FLNB: variants seen among roughly 807,000 people sequenced by gnomAD.
FLNB encodes the protein filamin B.
Under a neutral mutation model 250.6 loss-of-function variants are expected in FLNB, and 111 were observed. The ratio of observed to expected loss-of-function variants is 0.44; its 90% CI spans 0.38 to 0.52. The LOEUF (loss-of-function observed/expected upper bound fraction) is 0.52, where lower values mean the gene tolerates loss of function less well. FLNB is among the 20% of genes least tolerant of loss of function. The pLI, the probability that FLNB is intolerant of heterozygous loss-of-function variation, is 0.00. For synonymous variants in FLNB, 1,302 were observed against 1,372.1 expected (o/e 0.95, Z 1.13); for missense variants, 2,869 against 3,447.8 (o/e 0.83, Z 4.20).
chr3:58,137,443 GAATAC>G (rs1356122615), intron 28 of FLNB, among the ~76,000 whole-genome samples: 1 of 152,234 alleles, frequency 6.6e-6, no homozygotes, highest in Non-Finnish European at 1.5e-5. Context: ...AGCCTGAGCT[GAATAC>G]TTGCCTTTTG....
At chr3:58,149,804 T>A in intron 36 of FLNB, 46 bp from the exon 37 acceptor site, 1 of 1,613,358 alleles carries the variant, frequency 6.2e-7, no homozygotes, top group South Asian at 1.1e-5. Context: ...GGCTCCCTCT[T>A]CCTGAGGAGC....
chr3:58,170,505 C>T (rs1045739220), intron 45 of FLNB, 70 bp from the exon 46 acceptor site: 10 of 1,498,338 alleles, frequency 6.7e-6, no homozygotes, highest in Non-Finnish European at 8.3e-6. Flanking sequence ...ACCTTTGGCT[C>T]TCATATTTCC....
intron 4 of FLNB, among the ~76,000 whole-genome samples, chr3:58,089,735 G>A (rs1241824759): frequency 6.6e-6 from 1 of 152,142 alleles, no homozygotes; most frequent in African/African-American, 2.4e-5. Flanking sequence ...TATTGGATAA[G>A]CGCAATAGCA....
At chr3:58,043,236 G>T (rs1425715477) in intron 1 of FLNB, among the ~76,000 whole-genome samples, 4 of 144,842 alleles carry the variant, frequency 2.8e-5, no homozygotes, top group African/African-American at 1.0e-4. Context: ...CCAGGTTCAA[G>T]CAATTCTTCT....
intron 4 of FLNB, among the ~76,000 whole-genome samples, chr3:58,094,437 AAG>A (rs2097234213): frequency 6.6e-6 from 1 of 152,220 alleles, no homozygotes; most frequent in Admixed American, 6.5e-5. Context: ...TTAAAATAAA[AAG>A]GTTAATTAAA....
intron 6 of FLNB, among the ~76,000 whole-genome samples, chr3:58,096,690 G>T (rs1012494652): frequency 6.6e-6 from 1 of 152,018 alleles, no homozygotes; most frequent in Non-Finnish European, 1.5e-5. Flanking sequence ...TGCATTTTTA[G>T]TAGAGACCAG....
intron 38 of FLNB, among the ~76,000 whole-genome samples, chr3:58,151,598 T>A (rs1327270193): frequency 6.6e-6 from 1 of 152,204 alleles, no homozygotes; most frequent in Non-Finnish European, 1.5e-5. Flanking sequence ...CCACTGTTTT[T>A]GTGGGCATCT....
intron 1 of FLNB, among the ~76,000 whole-genome samples, chr3:58,027,572 G>C (rs750861149): frequency 5.9e-5 from 9 of 152,050 alleles, no homozygotes; most frequent in African/African-American, 1.9e-4. Flanking sequence ...ATGAGCCACC[G>C]CGCCTGGCCC....
intron 4 of FLNB, among the ~76,000 whole-genome samples, chr3:58,093,554 A>T (rs1344619375): frequency 6.6e-5 from 10 of 152,128 alleles, no homozygotes; most frequent in African/African-American, 2.4e-4. Flanking sequence ...GTCACCAAGG[A>T]CATTCCAAGG....
intron 43 of FLNB, among the ~76,000 whole-genome samples, chr3:58,167,603 A>T (rs543507158): frequency 4.6e-5 from 7 of 152,296 alleles, no homozygotes; most frequent in African/African-American, 7.2e-5. Flanking sequence ...TGGGCCAGCT[A>T]AGTTGTCTCA....
In FLNB at chr3:58,136,192, CA is replaced by C. The variant is rs751770336; in HGVS notation, c.4861+25del. The C allele has an allele frequency of 8.7e-6, 14 of 1,612,362 alleles. 2 individuals are homozygous for C. In the South Asian group the frequency reaches 1.3e-4, roughly 15 times the overall value. ...GGGTGAGTACAGGGCATCTCAAGGT[CA>C]GGGGCACAGGCTTTGCAATCAGAAA... On this transcript the variant is annotated intron_variant, in intron 28 of 45. Coordinates refer to ENST00000295956, the MANE Select transcript of FLNB (RefSeq NM_001457.4).
rs867388425 is a variant in FLNB, at chr3:58,109,251, C to T, written c.2128C>T (p.Pro710Ser). Reference sequence around the variant, plus strand: ...CGGCACATATGCATGCTCATACACCCCGGTGAAGGCCATCAAGCACACCAT... The same window carrying T: ...CGGCACATATGCATGCTCATACACCTCGGTGAAGGCCATCAAGCACACCAT... ...MDGTYACSYT[P>S]VKAIKHTIAV... Residue 710 changes from proline (P) to serine (S), a missense_variant, in exon 14 of 46, where the codon CCG (proline) becomes TCG (serine). By Grantham distance (74) the Pro-to-Ser change is moderately conservative. Around this residue, in one of 5 missense-constraint regions of FLNB, gnomAD observed 1,348 missense variants for 1,466.7 expected, o/e 0.92. Transcript: ENST00000295956. 1.2e-6 allele frequency: 2 copies of T among 1,614,118 alleles called. No individual in the cohort carries two copies. The highest frequency in any genetic ancestry group is 1.7e-6 in the Non-Finnish European group (2 of 1,180,052).
intron 18 of FLNB, among the ~76,000 whole-genome samples, chr3:58,117,530 A>C (rs983202250): frequency 1.3e-5 from 2 of 152,120 alleles, no homozygotes; most frequent in Admixed American, 6.5e-5. Context: ...CTGAATTGTT[A>C]GGGGCTGTGG....
intron 7 of FLNB, among the ~76,000 whole-genome samples, chr3:58,098,401 G>A (rs1021070701): frequency 2.0e-5 from 3 of 152,166 alleles, no homozygotes; most frequent in Non-Finnish European, 2.9e-5. Flanking sequence ...CGTGATCTTG[G>A]CTCAACGCAA....
Position 58,170,936 on chromosome 3 carries a change from TATTGGAG to T in FLNB, c.*176_*182del. 1 of 629,564 alleles carries T rather than the reference TATTGGAG, an allele frequency of 1.6e-6. No individual in the cohort carries two copies. The highest frequency in any genetic ancestry group is 2.8e-6 in the Non-Finnish European group (1 of 360,138). 39.0% of individuals were successfully genotyped at this position (629,564 alleles called of 1,614,324 possible). On this transcript the variant is annotated 3_prime_UTR_variant, in exon 46 of 46. Coordinates refer to ENST00000295956, the MANE Select transcript of FLNB (RefSeq NM_001457.4). ...TCCTAGACTGGACTCTTGAGGGACA[TATTGGAG>T]AATCTTAAGAAATGCAAGCTTGTTC...
chr3:58,153,603 G>C lies in FLNB; in HGVS notation c.6596G>C (p.Gly2199Ala). The change falls in exon 39 of 46, where the codon GGA (glycine) becomes GCA (alanine). Residue 2199 changes from glycine (G) to alanine (A), a missense_variant. Around this residue, in one of 5 missense-constraint regions of FLNB, gnomAD observed 1,084 missense variants for 1,315.5 expected, o/e 0.82. Coordinates refer to ENST00000295956, the MANE Select transcript of FLNB (RefSeq NM_001457.4). ...GGAGGCGCCCACAAGGTGCGGGCAG[G>C]AGGCCCTGGCCTGGAGAGAGGAGAA... Reference protein sequence around the residue: ...GEGGAHKVRAGGPGLERGEAG... With the variant: ...GEGGAHKVRAAGPGLERGEAG... 1 of 1,614,148 alleles carries C rather than the reference G, an allele frequency of 6.2e-7. No homozygotes were observed. Among genetic ancestry groups the C allele is most frequent in the Non-Finnish European group, 8.5e-7 (1 of 1,180,034 alleles).
intron 26 of FLNB, among the ~76,000 whole-genome samples, chr3:58,133,887 T>C (rs1446071131): frequency 6.6e-6 from 1 of 152,194 alleles, no homozygotes; most frequent in African/African-American, 2.4e-5. Context: ...AAGCATACTA[T>C]AGAATAATTA....
intron 1 of FLNB, among the ~76,000 whole-genome samples, chr3:58,075,747 T>C (rs1462179850): frequency 2.0e-5 from 3 of 152,250 alleles, no homozygotes; most frequent in East Asian, 1.9e-4. Flanking sequence ...GGGATAGAAT[T>C]GACACATTGT....
intron 6 of FLNB, 94 bp from the exon 7 acceptor site, chr3:58,097,721 T>C: frequency 8.1e-7 from 1 of 1,233,170 alleles, no homozygotes; most frequent in South Asian, 1.3e-5. Flanking sequence ...CATGGGAGGG[T>C]AGGAGAGGTG....
Sources: gnomAD v4.1 joint callset for allele counts (sites outside exome capture counted in the v4.1 genomes callset) on GRCh38, gnomAD v4.1.1 for gene constraint, gnomAD v4.1.1 regional missense constraint, MANE v1.5 for transcripts, NCBI Gene and HGNC (gene_info 2026-07-23, HGNC 2026-07-21) for gene names.